FAM107B: variants seen among roughly 807,000 people sequenced by gnomAD.
FAM107B encodes the protein protein FAM107B.
Under a neutral mutation model 31.5 loss-of-function variants are expected in FAM107B, and 21 were observed. The observed-to-expected ratio is 0.67, with a 90% CI of 0.47 to 0.96. The LOEUF is 0.96. Among genes scored for constraint, FAM107B ranks in the 40% least tolerant of loss-of-function variants. The pLI is 0.00. For synonymous variants in FAM107B, 157 were observed against 141.5 expected (o/e 1.11, Z -0.78); for missense variants, 452 against 377.1 (o/e 1.20, Z -1.64).
chr10:14,606,496 G>C (rs1331637721), intron 2 of FAM107B, among the ~76,000 whole-genome samples: 6 of 152,224 alleles, frequency 3.9e-5, no homozygotes, highest in African/African-American at 1.4e-4. Context: ...AAGTGTTATG[G>C]ACTAAACTGT....
At chr10:14,701,107 T>G (rs112205647) in intron 1 of FAM107B, among the ~76,000 whole-genome samples, 2 of 152,190 alleles carry the variant, frequency 1.3e-5, no homozygotes, top group African/African-American at 4.8e-5. Flanking sequence ...TTTTTTAATG[T>G]CCTAATTTCA....
intron 2 of FAM107B, chr10:14,555,894 A>ACACACACACACACACAC (rs112020800): frequency 6.8e-6 from 1 of 148,088 alleles, no homozygotes; most frequent in African/African-American, 2.5e-5. Flanking sequence ...AGACATCTTT[A>ACACACACACACACACAC]ACACACACAC....
At chr10:14,541,916 T>C (rs139367606) in intron 2 of FAM107B, among the ~76,000 whole-genome samples, 313 of 152,228 alleles carry the variant, frequency 2.1e-3, no homozygotes, top group African/African-American at 6.9e-3. Flanking sequence ...TCCTATTGCC[T>C]TCCCCAGCCC....
At chr10:14,599,904 G>A (rs1852325728) in intron 2 of FAM107B, among the ~76,000 whole-genome samples, 1 of 148,568 alleles carries the variant, frequency 6.7e-6, no homozygotes, top group Admixed American at 6.7e-5. Context: ...ATGAATCTCA[G>A]AACTCAATTT....
chr10:14,767,051 TATATAGAGAG>T (rs1408629930), intron 1 of FAM107B, among the ~76,000 whole-genome samples: 46 of 31,818 alleles, frequency 1.4e-3, no homozygotes, highest in East Asian at 4.2e-3. Context: ...TATATATATA[TATATAGAGAG>T]AGAGAGAGAG....
intron 1 of FAM107B, among the ~76,000 whole-genome samples, chr10:14,692,470 T>C (rs1855162040): frequency 6.6e-6 from 1 of 152,190 alleles, no homozygotes; most frequent in Non-Finnish European, 1.5e-5. Context: ...AGGAGGGTTT[T>C]TATCAGTGGC....
chr10:14,670,741 T>C (rs1408383943), intron 1 of FAM107B, among the ~76,000 whole-genome samples: 2 of 152,174 alleles, frequency 1.3e-5, no homozygotes, highest in Non-Finnish European at 2.9e-5. Context: ...CTAGTAAGAG[T>C]TGCAAAGTCC....
intron 1 of FAM107B, among the ~76,000 whole-genome samples, chr10:14,676,009 T>G (rs890000425): frequency 4.6e-5 from 7 of 152,032 alleles, no homozygotes; most frequent in African/African-American, 1.7e-4. Context: ...AATAAAAAAA[T>G]TAGCCAGATG....
intron 4 of FAM107B, 77 bp from the exon 5 acceptor site, chr10:14,521,383 T>A (rs1339127191): frequency 5.7e-6 from 7 of 1,218,384 alleles, no homozygotes; most frequent in Non-Finnish European, 8.3e-6. Context: ...CTTTTCAAAG[T>A]CCCTGACAAC....
At chr10:14,550,375 A>G (rs913590716) in intron 2 of FAM107B, among the ~76,000 whole-genome samples, 1 of 152,190 alleles carries the variant, frequency 6.6e-6, no homozygotes, top group East Asian at 1.9e-4. Context: ...GCTGTCAGGT[A>G]TGAGGACTTT....
intron 1 of FAM107B, among the ~76,000 whole-genome samples, chr10:14,675,399 G>A (rs78708770): frequency 1.8e-4 from 28 of 152,128 alleles, no homozygotes; most frequent in African/African-American, 6.5e-4. Flanking sequence ...TGGATCTGTG[G>A]GTAGATGCTT....
At chr10:14,711,626 A>G (rs1163195005) in intron 1 of FAM107B, among the ~76,000 whole-genome samples, 1 of 152,204 alleles carries the variant, frequency 6.6e-6, no homozygotes, top group African/African-American at 2.4e-5. Flanking sequence ...GGCATTTCCA[A>G]AAATGTATCC....
At chr10:14,526,048 C>T (rs1846191209) in intron 3 of FAM107B, among the ~76,000 whole-genome samples, 1 of 152,214 alleles carries the variant, frequency 6.6e-6, no homozygotes, top group African/African-American at 2.4e-5. Context: ...CCTGGGACAG[C>T]ATTCATCCAG....
rs758948491 is a variant in FAM107B, at chr10:14,582,598, C to T, written c.470-52083G>A. 1.0e-3 allele frequency among the ~76,000 whole-genome samples: 153 copies of T among 151,724 alleles called. 1 individual carries two copies. Among genetic ancestry groups the T allele is most frequent in the Non-Finnish European group, 1.2e-3 (83 of 67,918 alleles). ...TTCACCATGTTAACCAGGATGGTCT[C>T]GATCTCCTGACCTTGTGATCTGCCC... is the stretch of plus-strand genomic sequence containing the variant. On this transcript the variant is annotated intron_variant, in intron 2 of 4. Coordinates refer to ENST00000181796, the MANE Select transcript of FAM107B (RefSeq NM_031453.4).
At chr10:14,769,551 A>C (rs1833254338) in intron 1 of FAM107B, among the ~76,000 whole-genome samples, 1 of 151,904 alleles carries the variant, frequency 6.6e-6, no homozygotes, top group Non-Finnish European at 1.5e-5. Context: ...CGACCAGCTA[A>C]TTTTTTGTAT....
chr10:14,724,095 C>G, intron 1 of FAM107B: 1 of 610,528 alleles, frequency 1.6e-6, no homozygotes, highest in Non-Finnish European at 3.0e-6. Flanking sequence ...GAATCCAGAA[C>G]AATGCCAAAT....
intron 3 of FAM107B, chr10:14,529,768 T>C (rs1320102629): frequency 1.3e-5 from 2 of 152,242 alleles, no homozygotes; most frequent in African/African-American, 2.4e-5. Context: ...GTTTGCAAAG[T>C]AGATAGAAGG....
At chr10:14,571,439 C>T (rs1851217962) in intron 2 of FAM107B, among the ~76,000 whole-genome samples, 1 of 151,910 alleles carries the variant, frequency 6.6e-6, no homozygotes, top group Non-Finnish European at 1.5e-5. Context: ...TAAAATAATG[C>T]AGATAAAAGT....
intron 2 of FAM107B, among the ~76,000 whole-genome samples, chr10:14,659,997 GA>G (rs1235656042): frequency 6.6e-6 from 1 of 152,120 alleles, no homozygotes; most frequent in Non-Finnish European, 1.5e-5. Flanking sequence ...CAAACCACAG[GA>G]AATGAAACTT....
Sources: allele counts gnomAD v4.1 joint callset (sites outside exome capture counted in the v4.1 genomes callset), GRCh38; gene constraint gnomAD v4.1.1; transcripts MANE v1.5; gene names NCBI Gene and HGNC (gene_info 2026-07-23, HGNC 2026-07-21).